PTPRN2: variants seen among roughly 807,000 people sequenced by gnomAD.
PTPRN2 encodes receptor-type tyrosine-protein phosphatase N2.
In PTPRN2, 74 loss-of-function variants were observed where a neutral mutation model predicts 118.8. That is an observed-to-expected ratio of 0.62 (90% CI 0.52 to 0.76). The LOEUF is 0.76. Ranked by LOEUF, PTPRN2 falls within the 30% of genes least tolerant of loss-of-function variation. The pLI, the probability that PTPRN2 is intolerant of heterozygous loss-of-function variation, is 0.00. For missense variants in PTPRN2, 1,481 were observed against 1,394.4 expected (o/e 1.06, Z -0.99); for synonymous variants, 641 against 608.0 (o/e 1.05, Z -0.80).
intron 11 of PTPRN2, among the ~76,000 whole-genome samples, chr7:158,076,750 G>A (rs1812390920): frequency 6.6e-6 from 1 of 152,102 alleles, no homozygotes; most frequent in South Asian, 2.1e-4. Flanking sequence ...CTTCTCTGTG[G>A]AGCCTCATCT....
intron 2 of PTPRN2, among the ~76,000 whole-genome samples, chr7:158,424,601 G>A (rs966097134): frequency 6.6e-6 from 1 of 152,248 alleles, no homozygotes; most frequent in Non-Finnish European, 1.5e-5. Context: ...CACGCGTAAT[G>A]CCCAGTGGTC....
At chr7:157,898,863 G>A in intron 11 of PTPRN2, 126 bp from the exon 12 acceptor site, 2 of 818,406 alleles carry the variant, frequency 2.4e-6, no homozygotes, top group South Asian at 1.5e-5. Context: ...TACCTTAATG[G>A]AAGGGTCATG....
chr7:158,120,752 T>C (rs896821074), intron 9 of PTPRN2, among the ~76,000 whole-genome samples: 1 of 152,176 alleles, frequency 6.6e-6, no homozygotes, highest in Non-Finnish European at 1.5e-5. Flanking sequence ...CAAAACATCC[T>C]CCAGGGCCAT....
rs1019471869 is a variant in PTPRN2 at position 157,787,505 on chromosome 7, G to A, written c.1789-104568C>T. Reference sequence around the variant, plus strand: ...AGGGCGGGCAGGGGGCTTCCCCACAGTCTAGGGGGCCAGGAGAGCCCCTGG... The same window carrying A: ...AGGGCGGGCAGGGGGCTTCCCCACAATCTAGGGGGCCAGGAGAGCCCCTGG... On this transcript the variant is annotated intron_variant, in intron 12 of 22. Coordinates refer to ENST00000389418, the MANE Select transcript of PTPRN2 (RefSeq NM_002847.5). The surrounding 1 kb of genome is among the most constrained non-coding windows in gnomAD (Gnocchi z 5.3). 1.3e-5 allele frequency among the ~76,000 whole-genome samples: 2 copies of A among 152,144 alleles called. No homozygotes were observed. Among genetic ancestry groups the A allele is most frequent in the Non-Finnish European group, 2.9e-5 (2 of 67,996 alleles).
intron 9 of PTPRN2, among the ~76,000 whole-genome samples, chr7:158,130,912 C>CACACACTCAT (rs150322411): frequency 0.65 from 95,673 of 148,102 alleles, 31,041 homozygotes; most frequent in African/African-American, 0.76. Context: ...TCTACCGACA[C>CACACACTCAT]ACACACTCAT....
intron 11 of PTPRN2, among the ~76,000 whole-genome samples, chr7:158,052,086 G>A (rs74791949): frequency 0.015 from 2,326 of 152,226 alleles, 68 homozygotes; most frequent in African/African-American, 0.051. Flanking sequence ...TGGAAATTGC[G>A]CCTCTGATCC....
At chr7:157,768,111 A>G (rs1802591484) in intron 12 of PTPRN2, among the ~76,000 whole-genome samples, 1 of 152,262 alleles carries the variant, frequency 6.6e-6, no homozygotes, top group Non-Finnish European at 1.5e-5. Flanking sequence ...ACTCTACTTC[A>G]GATTGCAACT....
At chr7:158,081,149 T>C in intron 11 of PTPRN2, 149 bp downstream of exon 11, 2 of 762,084 alleles carry the variant, frequency 2.6e-6, no homozygotes, top group East Asian at 2.7e-5. Context: ...GCACACCAGA[T>C]TTCCACGGAA....
intron 12 of PTPRN2, among the ~76,000 whole-genome samples, chr7:157,806,182 A>G (rs12112156): frequency 0.33 from 50,807 of 151,956 alleles, 10,381 homozygotes; most frequent in African/African-American, 0.58. Flanking sequence ...TAGAATATTT[A>G]CATCACACTT....
intron 1 of PTPRN2, among the ~76,000 whole-genome samples, chr7:158,561,950 A>G (rs566121310): frequency 2.0e-5 from 3 of 152,308 alleles, no homozygotes; most frequent in African/African-American, 7.2e-5. Context: ...ACTGAGAGGA[A>G]GCTCACTGAG....
chr7:157,762,187 G>A (rs1208909287), intron 12 of PTPRN2, among the ~76,000 whole-genome samples: 4 of 151,976 alleles, frequency 2.6e-5, no homozygotes, highest in Non-Finnish European at 5.9e-5. Flanking sequence ...TCAGTGTGGC[G>A]ATTCCTCAGG....
intron 11 of PTPRN2, among the ~76,000 whole-genome samples, chr7:157,918,624 G>A (rs1208448137): frequency 6.6e-6 from 1 of 152,150 alleles, no homozygotes; most frequent in Non-Finnish European, 1.5e-5. Flanking sequence ...TCAGACATAC[G>A]AATGGAAGGA....
intron 21 of PTPRN2, among the ~76,000 whole-genome samples, chr7:157,566,927 T>C (rs940328656): frequency 2.0e-5 from 3 of 152,202 alleles, no homozygotes; most frequent in African/African-American, 4.8e-5. Flanking sequence ...GCAGGTTCCA[T>C]TGGAATCACA....
At chr7:157,602,136 TGGAA>T (rs1298319251) in intron 16 of PTPRN2, among the ~76,000 whole-genome samples, 1 of 152,244 alleles carries the variant, frequency 6.6e-6, no homozygotes, top group Non-Finnish European at 1.5e-5. Context: ...CAACCTCTGC[TGGAA>T]GGAAGGAAGT....
chr7:158,210,119 C>T (rs1827476850), intron 3 of PTPRN2, among the ~76,000 whole-genome samples: 1 of 147,592 alleles, frequency 6.8e-6, no homozygotes, highest in Admixed American at 6.7e-5. Flanking sequence ...CTCAAACAAT[C>T]TAATGATGCA....
intron 2 of PTPRN2, among the ~76,000 whole-genome samples, chr7:158,443,177 T>C (rs1472602101): frequency 1.3e-5 from 2 of 151,476 alleles, no homozygotes; most frequent in Admixed American, 1.3e-4. Context: ...GGCGAGCGGG[T>C]CTTTGTGGGC....
At chr7:157,655,712 A>T (rs550414568) in intron 14 of PTPRN2, among the ~76,000 whole-genome samples, 2 of 152,208 alleles carry the variant, frequency 1.3e-5, no homozygotes, top group Non-Finnish European at 2.9e-5. Flanking sequence ...GAGATCCAGG[A>T]GGCAGCCAGC....
rs369171302 is a variant in PTPRN2, at chr7:157,609,502, G to A, written c.2345-5427C>T. 1.3e-4 allele frequency among the ~76,000 whole-genome samples: 20 copies of A among 152,102 alleles called. No individual in the cohort carries two copies. Among genetic ancestry groups the A allele is most frequent in the African/African-American group, 4.8e-4 (20 of 41,420 alleles). On this transcript the variant is annotated intron_variant, in intron 15 of 22. Coordinates refer to ENST00000389418, the MANE Select transcript of PTPRN2 (RefSeq NM_002847.5). The surrounding 1 kb of genome is among the most constrained non-coding windows in gnomAD (Gnocchi z 4.9). ...GGACCCAGTGGCCATCCTGGACCACGGACAGAACAGGGACTACTTTCCCGT... is the reference window on the plus strand; with the variant it reads ...GGACCCAGTGGCCATCCTGGACCACAGACAGAACAGGGACTACTTTCCCGT...
At position 157,990,537 on chromosome 7, in the gene PTPRN2, C is replaced by A. The variant is rs1804170932; in HGVS notation, c.1723+90761G>T. 6.6e-6 allele frequency among the ~76,000 whole-genome samples: 1 copy of A among 152,024 alleles called. No individual in the cohort carries two copies. Among genetic ancestry groups the A allele is most frequent in the South Asian group, 2.1e-4 (1 of 4,826 alleles). On this transcript the variant is annotated intron_variant, in intron 11 of 22. Transcript: ENST00000389418. This position sits in a 1 kb window ranked among gnomAD's most constrained non-coding sequence, Gnocchi z 4.3. ...GTCCCCGCCCTGCACCCACCTCTGG[C>A]AAGTTCTGGGCAGGGGGAGAGCGAC...
Sources: gnomAD v4.1 joint callset for allele counts (sites outside exome capture counted in the v4.1 genomes callset) on GRCh38, gnomAD v4.1.1 for gene constraint, Gnocchi (gnomAD v3.1) non-coding constraint, MANE v1.5 for transcripts, NCBI Gene and HGNC (gene_info 2026-07-23, HGNC 2026-07-21) for gene names.